The following HMGN4 variants were observed in gnomAD, a reference collection of about 807,000 sequenced individuals.
HMGN4 encodes the protein high mobility group nucleosomal binding domain 4, also known as high mobility group nucleosome-binding domain-containing protein 4.
For synonymous variants in HMGN4, 39 were observed against 39.1 expected (o/e 1.00, Z 0.01); for missense variants, 69 against 104.9 (o/e 0.66, Z 1.49).
Position 26,546,388 on chromosome 6 carries a change from T to C in HMGN4, c.*909T>C, listed in dbSNP as rs1299282742. On this transcript the variant is annotated 3_prime_UTR_variant, in exon 2 of 2. Coordinates refer to ENST00000377575, the MANE Select transcript of HMGN4 (RefSeq NM_006353.3). ...GAAAATTATGAGTTAGAAATTCAAC[T>C]TAACATTTTTCATATTCGAAGTGGT... is the stretch of plus-strand genomic sequence containing the variant. 2 of 167,082 alleles carry C rather than the reference T, an allele frequency of 1.2e-5. No individual in the cohort carries two copies. The highest frequency in any genetic ancestry group is 2.9e-5 in the Non-Finnish European group (2 of 68,132). 10.3% of individuals were successfully genotyped at this position (167,082 alleles called of 1,614,324 possible).
chr6:26,539,141 C>T (rs1387180564), intron 1 of HMGN4, among the ~76,000 whole-genome samples: 3 of 152,318 alleles, frequency 2.0e-5, no homozygotes, highest in Admixed American at 6.5e-5. Flanking sequence ...TGTTGTGTCA[C>T]CTGGCAGCCT....
rs1253850413 is a variant in HMGN4 at position 26,545,205 on chromosome 6, C to A, written c.-2C>A. On this transcript the variant is annotated 5_prime_UTR_variant, in exon 2 of 2. Coordinates refer to ENST00000377575, the MANE Select transcript of HMGN4 (RefSeq NM_006353.3). ...AAGCCACCTGCGAACACTGCTGCTA[C>A]CATGCCCAAGAGAAAGGCAAAAGGA... 1 of 1,602,908 alleles carries A rather than the reference C, an allele frequency of 6.2e-7. No homozygotes were observed. The highest frequency in any genetic ancestry group is 1.3e-5 in the African/African-American group (1 of 74,364).
At chr6:26,539,090 C>T (rs1764254918) in intron 1 of HMGN4, among the ~76,000 whole-genome samples, 2 of 152,214 alleles carry the variant, frequency 1.3e-5, no homozygotes, top group Non-Finnish European at 2.9e-5. Context: ...GGCTTGCTTA[C>T]AAGTTAATCG....
chr6:26,545,326 G>T lies in HMGN4; in HGVS notation c.120G>T (p.Arg40Ser). The stretch of plus-strand genomic sequence containing the variant: ...CAGCTCCTCCAAAACCAGAGCCCAG[G>T]CCTAAAAAGGCCTCTGCAAAGAAGG... Reference protein sequence around the residue: ...AKPAPPKPEPRPKKASAKKGE... With the variant: ...AKPAPPKPEPSPKKASAKKGE... Residue 40 changes from arginine to serine, a missense_variant, in exon 2 of 2, where the codon AGG becomes AGT. Arg to Ser is a moderately radical substitution (Grantham distance 110). Transcript: ENST00000377575. 6.2e-7 allele frequency: 1 copy of T among 1,614,124 alleles called. No homozygotes were observed. Among genetic ancestry groups the T allele is most frequent in the Non-Finnish European group, 8.5e-7 (1 of 1,180,014 alleles).
At chr6:26,539,650 A>G (rs1359292202) in intron 1 of HMGN4, among the ~76,000 whole-genome samples, 14 of 142,002 alleles carry the variant, frequency 9.9e-5, no homozygotes, top group Admixed American at 3.6e-4. Flanking sequence ...AAAAAAAAAA[A>G]AAAGAAAAGA....
chr6:26,544,258 T>G (rs1764323312), intron 1 of HMGN4, among the ~76,000 whole-genome samples: 1 of 152,228 alleles, frequency 6.6e-6, no homozygotes, highest in African/African-American at 2.4e-5. Context: ...ATCCCTTTTT[T>G]TTTAAGTTTT....
intron 1 of HMGN4, 99 bp from the exon 2 acceptor site, chr6:26,545,028 A>T: frequency 2.4e-6 from 1 of 421,784 alleles, no homozygotes; most frequent in Non-Finnish European, 4.2e-6. Flanking sequence ...ATCTTTTTTG[A>T]TATACACGAA....
At position 26,545,498 on chromosome 6, in the gene HMGN4, C is replaced by A; in HGVS notation, c.*19C>A. 1 of 1,524,706 alleles carries A rather than the reference C, an allele frequency of 6.6e-7. No homozygotes were observed. Among genetic ancestry groups the A allele is most frequent in the Non-Finnish European group, 8.8e-7 (1 of 1,137,946 alleles). The allele number at this position is 1,524,706 out of a possible 1,614,324, so 94.4% of individuals were successfully genotyped here. A position where few individuals can be genotyped will look rare whatever the true frequency, so the allele number is the denominator to read the frequency against. ...CAAGTGAAATGTACATTTTTGAGAG[C>A]TCTGTACTTATAGTGACTCTACTGT... On this transcript the variant is annotated 3_prime_UTR_variant, in exon 2 of 2. Coordinates refer to ENST00000377575, the MANE Select transcript of HMGN4 (RefSeq NM_006353.3).
rs1764300999 is a variant in HMGN4 at position 26,542,616 on chromosome 6, GC to G, written c.-80-2510del. Among the ~76,000 whole-genome samples the G allele has an allele frequency of 6.6e-6, 1 of 152,144 alleles. No individual in the cohort carries two copies. Among genetic ancestry groups the G allele is most frequent in the Non-Finnish European group, 1.5e-5 (1 of 68,032 alleles). Reference sequence around the variant, plus strand: ...CTTGTCCTTTATGGAAATGGTAAGAGCTTTTACCCATCTCTCTGGTCCCTTT... The same window carrying G: ...CTTGTCCTTTATGGAAATGGTAAGAGTTTTACCCATCTCTCTGGTCCCTTT... On this transcript the variant is annotated intron_variant, in intron 1 of 1. Coordinates refer to ENST00000377575, the MANE Select transcript of HMGN4 (RefSeq NM_006353.3). The surrounding 1 kb of genome is among the most constrained non-coding windows in gnomAD (Gnocchi z 4.6).
rs1002320430 is a variant in HMGN4, at chr6:26,542,488, CA to C, written c.-80-2635del. Reference sequence around the variant, plus strand: ...TAATATATGCCATTACAGTAGCATACAAAAGAGTTTCATTTACCTAAAAATC... The same window carrying C: ...TAATATATGCCATTACAGTAGCATACAAAGAGTTTCATTTACCTAAAAATC... On this transcript the variant is annotated intron_variant, in intron 1 of 1. Coordinates refer to ENST00000377575, the MANE Select transcript of HMGN4 (RefSeq NM_006353.3). This position sits in a 1 kb window ranked among gnomAD's most constrained non-coding sequence, Gnocchi z 4.6. Among the ~76,000 whole-genome samples the C allele has an allele frequency of 1.3e-5, 2 of 152,190 alleles. No homozygotes were observed. The highest frequency in any genetic ancestry group is 6.5e-5 in the Admixed American group (1 of 15,284).
chr6:26,541,664 A>T (rs1764289322), intron 1 of HMGN4, among the ~76,000 whole-genome samples: 2 of 151,868 alleles, frequency 1.3e-5, no homozygotes, highest in South Asian at 2.1e-4. Flanking sequence ...TTTTTTTTTT[A>T]AAGCTATTTT....
intron 1 of HMGN4, chr6:26,539,938 C>A (rs6932865): frequency 0.5 from 76,328 of 151,988 alleles, 19,418 homozygotes; most frequent in East Asian, 0.74. Flanking sequence ...AGAAAGGGGG[C>A]AAAGGTTCCA....
chr6:26,540,473 T>G (rs1226592903), intron 1 of HMGN4, among the ~76,000 whole-genome samples: 1 of 152,094 alleles, frequency 6.6e-6, no homozygotes, highest in Non-Finnish European at 1.5e-5. Flanking sequence ...TAGTTGGGAC[T>G]ATAGGCATAT....
chr6:26,543,021 A>G (rs186376490), intron 1 of HMGN4, among the ~76,000 whole-genome samples: 2 of 152,296 alleles, frequency 1.3e-5, no homozygotes, highest in African/African-American at 4.8e-5. Flanking sequence ...CTAGGCCAAA[A>G]TCTCACTTTT....
chr6:26,540,128 GC>G (rs1044820074), intron 1 of HMGN4, among the ~76,000 whole-genome samples: 1 of 152,124 alleles, frequency 6.6e-6, no homozygotes, highest in Non-Finnish European at 1.5e-5. Context: ...AGCTGCAGCA[GC>G]AAACCTACCC....
Position 26,545,677 on chromosome 6 carries a change from A to G in HMGN4, c.*198A>G, listed in dbSNP as rs370014904. On this transcript the variant is annotated 3_prime_UTR_variant, in exon 2 of 2. Coordinates refer to ENST00000377575, the MANE Select transcript of HMGN4 (RefSeq NM_006353.3). ...TGTATCTCAGAAACTGAATTGAAAT[A>G]AGGGAAAATAGGATTTTCTGTCCTG... is the stretch of plus-strand genomic sequence containing the variant. 3 of 355,226 alleles carry G rather than the reference A, an allele frequency of 8.4e-6. No homozygotes were observed. The highest frequency in any genetic ancestry group is 4.5e-5 in the East Asian group (1 of 21,996). The allele number at this position is 355,226 out of a possible 1,614,324, so 22.0% of individuals were successfully genotyped here.
In HMGN4 at chr6:26,545,977, T is replaced by C. The variant is rs941967777; in HGVS notation, c.*498T>C. On this transcript the variant is annotated 3_prime_UTR_variant, in exon 2 of 2. Transcript: ENST00000377575. ...CACTTAAAAGAGCCAAGATTCCTGT[T>C]TTCAGTTTGTGGATTCATCCTGCTG... The C allele has an allele frequency of 1.2e-5, 2 of 167,102 alleles. No individual in the cohort carries two copies. The highest frequency in any genetic ancestry group is 2.9e-5 in the Non-Finnish European group (2 of 68,130). 10.4% of individuals were successfully genotyped at this position (167,102 alleles called of 1,614,324 possible). A position where few individuals can be genotyped will look rare whatever the true frequency, so the allele number is the denominator to read the frequency against.
In HMGN4 at chr6:26,546,680, G is replaced by T. The variant is rs1229268083; in HGVS notation, c.*1201G>T. Among the ~76,000 whole-genome samples, 1 of 152,188 alleles carries T rather than the reference G, an allele frequency of 6.6e-6. No individual in the cohort carries two copies. The highest frequency in any genetic ancestry group is 2.4e-5 in the African/African-American group (1 of 41,450). On this transcript the variant is annotated 3_prime_UTR_variant, in exon 2 of 2. Coordinates refer to ENST00000377575, the MANE Select transcript of HMGN4 (RefSeq NM_006353.3). ...CTGTCTCCAGTATCACCACAAAATT[G>T]TTCTTCCTTGGAGTGTCTTGGCTAT... is the stretch of plus-strand genomic sequence containing the variant.
At position 26,543,421 on chromosome 6, in the gene HMGN4, C is replaced by CTTTT. The variant is rs70977285; in HGVS notation, c.-80-1691_-80-1688dup. Among the ~76,000 whole-genome samples the CTTTT allele has an allele frequency of 3.0e-4, 24 of 80,136 alleles. 1 individual carries two copies. The highest frequency in any genetic ancestry group is 4.2e-4 in the Non-Finnish European group (19 of 45,460). The allele number at this position is 80,136 out of a possible 152,430, so 52.6% of individuals were successfully genotyped here. A position where few individuals can be genotyped will look rare whatever the true frequency, so the allele number is the denominator to read the frequency against. Reference sequence around the variant, plus strand: ...CTGTATGTCTCAGTGGCACCATTACCTTTTTTTTTTTTTTTTTTGAAGCAG... The same window carrying CTTTT: ...CTGTATGTCTCAGTGGCACCATTACCTTTTTTTTTTTTTTTTTTTTTTGAAGCAG... On this transcript the variant is annotated intron_variant, in intron 1 of 1. Transcript: ENST00000377575.
Sources: gnomAD v4.1 joint callset for allele counts (sites outside exome capture counted in the v4.1 genomes callset) on GRCh38, gnomAD v4.1.1 for gene constraint, Gnocchi (gnomAD v3.1) non-coding constraint, MANE v1.5 for transcripts, NCBI Gene and HGNC (gene_info 2026-07-23, HGNC 2026-07-21) for gene names.